OCIAD2: variants seen among roughly 807,000 people sequenced by gnomAD.
OCIAD2 encodes OCIA domain-containing protein 2.
In OCIAD2, 29 loss-of-function variants were observed where a neutral mutation model predicts 22.9. The ratio of observed to expected loss-of-function variants is 1.27; its 90% CI spans 0.94 to 1.73. OCIAD2 has a LOEUF of 1.73. OCIAD2 is among the 40% of genes most tolerant of loss of function. The probability of loss-of-function intolerance (pLI) is 0.00; values close to 1 mark genes in which losing one functional copy is unlikely to be tolerated. For synonymous variants in OCIAD2, 67 were observed against 60.2 expected (o/e 1.11, Z -0.52); for missense variants, 189 against 180.3 (o/e 1.05, Z -0.28).
intron 2 of OCIAD2, 64 bp from the exon 3 acceptor site, chr4:48,899,989 A>G (rs1291720089): frequency 2.6e-6 from 3 of 1,138,568 alleles, no homozygotes; most frequent in African/African-American, 1.5e-5. Context: ...TTTGTTTTCT[A>G]CAGAAGAGAA....
Position 48,904,482 on chromosome 4 carries a change from A to G in OCIAD2, c.66+2T>C, listed in dbSNP as rs1781485748. 1.2e-6 allele frequency: 2 copies of G among 1,613,004 alleles called. No homozygotes were observed. The highest frequency in any genetic ancestry group is 1.7e-6 in the Non-Finnish European group (2 of 1,179,004). ...AATCGATCAATAAATATAAAAGTAT[A>G]CCTGCTTGCTTGGTGGTGGAAAATG... On this transcript the variant is annotated splice_donor_variant, in intron 2 of 6. Transcript: ENST00000508632. LOFTEE classifies it high-confidence loss of function.
At chr4:48,891,894 A>T (rs981869248) in intron 6 of OCIAD2, among the ~76,000 whole-genome samples, 2 of 152,206 alleles carry the variant, frequency 1.3e-5, no homozygotes, top group Non-Finnish European at 2.9e-5. Flanking sequence ...TAATGGTGTC[A>T]CCTTCAGAAG....
At chr4:48,887,962 A>C (rs944209708) in intron 6 of OCIAD2, among the ~76,000 whole-genome samples, 1 of 152,088 alleles carries the variant, frequency 6.6e-6, no homozygotes, top group Non-Finnish European at 1.5e-5. Context: ...GATTCTTCCT[A>C]CCCATGAGCA....
At chr4:48,901,199 T>A (rs1300688060) in intron 2 of OCIAD2, among the ~76,000 whole-genome samples, 3 of 152,118 alleles carry the variant, frequency 2.0e-5, no homozygotes, top group Non-Finnish European at 2.9e-5. Flanking sequence ...TCCACCCATG[T>A]TGCTGTATTC....
At chr4:48,890,096 G>C (rs555314479) in intron 6 of OCIAD2, among the ~76,000 whole-genome samples, 2 of 134,920 alleles carry the variant, frequency 1.5e-5, no homozygotes, top group South Asian at 5.6e-4. Context: ...TTACATACCG[G>C]GGCTTGTTGT....
chr4:48,898,369 G>A (rs1178569268), intron 3 of OCIAD2, among the ~76,000 whole-genome samples: 1 of 152,046 alleles, frequency 6.6e-6, no homozygotes, highest in Non-Finnish European at 1.5e-5. Context: ...AGCCATTTGA[G>A]ATTTGCAAAC....
intron 6 of OCIAD2, among the ~76,000 whole-genome samples, chr4:48,888,366 AC>A (rs1258662684): frequency 1.3e-5 from 2 of 152,166 alleles, no homozygotes; most frequent in African/African-American, 4.8e-5. Context: ...AGAACTTCCA[AC>A]ACTATGTTGA....
intron 6 of OCIAD2, among the ~76,000 whole-genome samples, chr4:48,886,444 A>T (rs1379170827): frequency 2.0e-5 from 3 of 151,404 alleles, no homozygotes; most frequent in African/African-American, 7.3e-5. Context: ...GCACCCATTA[A>T]CTCATCATTT....
chr4:48,886,118 G>A (rs1780979114), intron 6 of OCIAD2, among the ~76,000 whole-genome samples: 1 of 152,126 alleles, frequency 6.6e-6, no homozygotes, highest in Admixed American at 6.5e-5. Context: ...TGTAAGAAAG[G>A]GATCCAGTTT....
At chr4:48,893,838 T>A (rs1781237436) in intron 5 of OCIAD2, 168 bp downstream of exon 5, 1 of 353,236 alleles carries the variant, frequency 2.8e-6, no homozygotes, top group Non-Finnish European at 5.2e-6. Context: ...TCAAAGTTTT[T>A]ATTTATTTAT....
At chr4:48,891,269 C>T (rs999466644) in intron 6 of OCIAD2, among the ~76,000 whole-genome samples, 1 of 152,118 alleles carries the variant, frequency 6.6e-6, no homozygotes, top group Non-Finnish European at 1.5e-5. Context: ...TATTCCTTAA[C>T]CCTCCCCTCC....
chr4:48,901,719 A>G (rs1350991904), intron 2 of OCIAD2, among the ~76,000 whole-genome samples: 1 of 152,122 alleles, frequency 6.6e-6, no homozygotes, highest in Non-Finnish European at 1.5e-5. Context: ...AAAAATACAT[A>G]TAACATTTGC....
chr4:48,904,189 C>T (rs895260056), intron 2 of OCIAD2, among the ~76,000 whole-genome samples: 5 of 152,000 alleles, frequency 3.3e-5, no homozygotes, highest in East Asian at 1.9e-4. Flanking sequence ...TGGTGGCTCA[C>T]GCCTGTAATC....
Position 48,892,783 on chromosome 4 carries a change from T to C in OCIAD2, c.372A>G (p.Pro124=). The C allele has an allele frequency of 1.3e-6, 2 of 1,582,092 alleles. No individual in the cohort carries two copies. The highest frequency in any genetic ancestry group is 1.3e-5 in the African/African-American group (1 of 74,230). The change falls in exon 6 of 7, where the codon CCA becomes CCG. Residue 124 remains proline, a synonymous_variant. Transcript: ENST00000508632. ...AACAGATTACAAACCTGTTATGCTG[T>C]GGACCAAAACCAGCCCCACGGAGCT... is the stretch of plus-strand genomic sequence containing the variant. ...EDQLRGAGFG[P]QHNRHCLLTC...
intron 5 of OCIAD2, 144 bp from the exon 6 acceptor site, chr4:48,893,033 T>A: frequency 1.8e-6 from 1 of 552,446 alleles, no homozygotes; most frequent in African/African-American, 1.9e-5. Context: ...GAAGTCTCTA[T>A]TTAAAAAGAA....
intron 2 of OCIAD2, among the ~76,000 whole-genome samples, chr4:48,902,307 T>C (rs180749393): frequency 2.6e-5 from 4 of 152,318 alleles, no homozygotes; most frequent in African/African-American, 7.2e-5. Context: ...TCACCATTTC[T>C]TGAGCACTTT....
chr4:48,902,036 G>A (rs1465676353), intron 2 of OCIAD2, among the ~76,000 whole-genome samples: 1 of 151,936 alleles, frequency 6.6e-6, no homozygotes, highest in African/African-American at 2.4e-5. Context: ...CAAAGTGCTG[G>A]GGTTACAGGT....
At chr4:48,894,472 G>A (rs1370317952) in intron 4 of OCIAD2, among the ~76,000 whole-genome samples, 2 of 152,072 alleles carry the variant, frequency 1.3e-5, no homozygotes, top group African/African-American at 4.8e-5. Flanking sequence ...CAGCCTGGGT[G>A]ACAGAGCGAG....
intron 2 of OCIAD2, 100 bp from the exon 3 acceptor site, chr4:48,900,025 C>A: frequency 1.3e-6 from 1 of 786,416 alleles, no homozygotes. Flanking sequence ...ACTTGTTACA[C>A]AGTGTGTGTT....
Sources: gnomAD v4.1 joint callset for allele counts (sites outside exome capture counted in the v4.1 genomes callset) on GRCh38, gnomAD v4.1.1 for gene constraint, MANE v1.5 for transcripts, NCBI Gene and HGNC (gene_info 2026-07-23, HGNC 2026-07-21) for gene names.